Variants in KIF2A observed in about 807,000 individuals in gnomAD.
The protein encoded by KIF2A is kinesin-like protein KIF2A.
In KIF2A, 22 loss-of-function variants were observed where a neutral mutation model predicts 100.2. That is an observed-to-expected ratio of 0.22 (90% CI 0.16 to 0.31). The LOEUF (loss-of-function observed/expected upper bound fraction) is 0.31, where lower values mean the gene tolerates loss of function less well. KIF2A is among the 10% of genes least tolerant of loss of function. The probability of loss-of-function intolerance (pLI) is 1.00; values close to 1 mark genes in which losing one functional copy is unlikely to be tolerated. For missense variants in KIF2A, 495 were observed against 898.7 expected (o/e 0.55, Z 5.74); for synonymous variants, 268 against 285.9 (o/e 0.94, Z 0.63).
chr5:62,350,228 T>C, intron 4 of KIF2A, 108 bp downstream of exon 4: 1 of 661,392 alleles, frequency 1.5e-6, no homozygotes. Flanking sequence ...TTATTTAAAT[T>C]TTACCTGGCT....
At chr5:62,379,659 G>GA (rs34005703) in intron 19 of KIF2A, among the ~76,000 whole-genome samples, 9,523 of 133,846 alleles carry the variant, frequency 0.071, 528 homozygotes, top group African/African-American at 0.16. Flanking sequence ...TGAAACTCAG[G>GA]AAAAAAAAAA....
rs184046802 is a variant in KIF2A, at chr5:62,371,005, G to T, written c.1647-1433G>T. On this transcript the variant is annotated intron_variant, in intron 16 of 20. Transcript: ENST00000407818. ...TTTCAGGCCAGACGCTGTAGCTCAT[G>T]CTTGTAATCCCAGTACTTTGGGAGG... Among the ~76,000 whole-genome samples the T allele has an allele frequency of 7.1e-3, 1,076 of 152,274 alleles. 14 individuals are homozygous for T. The highest frequency in any genetic ancestry group is 0.022 in the African/African-American group (929 of 41,554).
At chr5:62,345,903 AAGATGAAAAC>A (rs1747541928) in intron 1 of KIF2A, among the ~76,000 whole-genome samples, 1 of 152,194 alleles carries the variant, frequency 6.6e-6, no homozygotes, top group Non-Finnish European at 1.5e-5. Context: ...ATGGATCGGT[AAGATGAAAAC>A]AGATGAAATA....
At chr5:62,337,964 T>G (rs968971911) in intron 1 of KIF2A, among the ~76,000 whole-genome samples, 2 of 152,178 alleles carry the variant, frequency 1.3e-5, no homozygotes, top group African/African-American at 4.8e-5. Flanking sequence ...TTATATGATT[T>G]TTGGAACTTC....
chr5:62,346,558 G>A (rs747046868), intron 1 of KIF2A, among the ~76,000 whole-genome samples: 1 of 152,112 alleles, frequency 6.6e-6, no homozygotes, highest in Non-Finnish European at 1.5e-5. Flanking sequence ...TGCGCGATAT[G>A]GTGAAACCCC....
chr5:62,344,277 G>C (rs977287592), intron 1 of KIF2A, among the ~76,000 whole-genome samples: 13 of 151,712 alleles, frequency 8.6e-5, no homozygotes, highest in African/African-American at 2.9e-4. Context: ...CTGGGAGGTG[G>C]AGGTTGCAGT....
Position 62,372,547 on chromosome 5 carries a change from A to C in KIF2A, c.1756A>C (p.Thr586Pro), listed in dbSNP as rs1183822883. The C allele has an allele frequency of 2.0e-6, 3 of 1,533,558 alleles. No homozygotes were observed. The East Asian group carries it at 6.7e-5, about 34-fold the overall frequency. 95.0% of individuals were successfully genotyped at this position (1,533,558 alleles called of 1,614,324 possible). Residue 586 changes from threonine to proline, a missense_variant, in exon 17 of 21, where the codon ACC (threonine) becomes CCC (proline). Coordinates refer to ENST00000407818, the MANE Select transcript of KIF2A (RefSeq NM_001098511.3). ...YEYDDFSPSV[T>P]RVKELTVDPT... ...ATATGACGACTTTTCTCCTTCAGTT[A>C]CCAGGTCTACTTCATTCTATACATA...
rs1438310022 is a variant in KIF2A at position 62,388,325 on chromosome 5, A to T, written c.*2756A>T. 2 of 152,240 alleles carry T rather than the reference A, an allele frequency of 1.3e-5. No homozygotes were observed. Among genetic ancestry groups the T allele is most frequent in the African/African-American group, 2.4e-5 (1 of 41,466 alleles). 9.4% of individuals were successfully genotyped at this position (152,240 alleles called of 1,614,324 possible). The stretch of plus-strand genomic sequence containing the variant: ...AAAAGATAATTTTATTGTTAATTTC[A>T]TTCCAGTTTAGCTTCCTCATTTTAC... On this transcript the variant is annotated 3_prime_UTR_variant, in exon 21 of 21. Coordinates refer to ENST00000407818, the MANE Select transcript of KIF2A (RefSeq NM_001098511.3).
At chr5:62,311,017 GTGAC>G (rs1224835131) in intron 1 of KIF2A, among the ~76,000 whole-genome samples, 1 of 152,190 alleles carries the variant, frequency 6.6e-6, no homozygotes, top group Non-Finnish European at 1.5e-5. Context: ...TCACAGTACT[GTGAC>G]TGTATTGATA....
At chr5:62,342,898 GCCCAC>G (rs1747368429) in intron 1 of KIF2A, among the ~76,000 whole-genome samples, 1 of 151,694 alleles carries the variant, frequency 6.6e-6, no homozygotes, top group South Asian at 2.1e-4. Flanking sequence ...GATTACAGGC[GCCCAC>G]CACCACACCC....
At chr5:62,320,811 C>T (rs968706168) in intron 1 of KIF2A, among the ~76,000 whole-genome samples, 10 of 123,724 alleles carry the variant, frequency 8.1e-5, no homozygotes, top group African/African-American at 2.7e-4. Flanking sequence ...CTTTAAAGTG[C>T]ACAATTCAGT....
intron 13 of KIF2A, 103 bp downstream of exon 13, chr5:62,363,423 AATC>A: frequency 9.0e-7 from 1 of 1,116,774 alleles, no homozygotes; most frequent in Non-Finnish European, 1.3e-6. Flanking sequence ...TGGAAGTAAA[AATC>A]ATTGTTCATA....
intron 3 of KIF2A, among the ~76,000 whole-genome samples, chr5:62,348,637 T>TTA (rs1459364917): frequency 6.6e-6 from 1 of 152,226 alleles, no homozygotes; most frequent in Non-Finnish European, 1.5e-5. Flanking sequence ...AAAACTGTGC[T>TTA]AAATCCTCCC....
chr5:62,365,187 A>C, intron 14 of KIF2A, 56 bp from the exon 15 acceptor site: 1 of 843,940 alleles, frequency 1.2e-6, no homozygotes, highest in Non-Finnish European at 1.9e-6. Context: ...TATGTTAATT[A>C]AGATTATCCT....
intron 5 of KIF2A, 57 bp downstream of exon 5, chr5:62,352,767 T>C (rs1747918132): frequency 8.9e-6 from 13 of 1,455,756 alleles, no homozygotes; most frequent in Non-Finnish European, 1.2e-5. Flanking sequence ...TATTCTCTCT[T>C]GGTCATCCTT....
At chr5:62,339,054 A>C (rs901835322) in intron 1 of KIF2A, among the ~76,000 whole-genome samples, 1 of 152,334 alleles carries the variant, frequency 6.6e-6, no homozygotes, top group East Asian at 1.9e-4. Context: ...TGTTAGGCCC[A>C]TCTTTCATTG....
chr5:62,373,389 T>A (rs1464756064), intron 17 of KIF2A, among the ~76,000 whole-genome samples: 5 of 151,664 alleles, frequency 3.3e-5, no homozygotes, highest in South Asian at 4.1e-4. Context: ...AAAAATTTTT[T>A]AAATCATAAC....
rs1742057511 is a variant in KIF2A at position 62,386,918 on chromosome 5, G to A, written c.*1349G>A. Reference sequence around the variant, plus strand: ...AGTTTTCCCTCAGTTCCCAGGATGGGGTCCAGGAGTAGATTAACAGCTAAA... The same window carrying A: ...AGTTTTCCCTCAGTTCCCAGGATGGAGTCCAGGAGTAGATTAACAGCTAAA... On this transcript the variant is annotated 3_prime_UTR_variant, in exon 21 of 21. Coordinates refer to ENST00000407818, the MANE Select transcript of KIF2A (RefSeq NM_001098511.3). Among the ~76,000 whole-genome samples, 2 of 152,096 alleles carry A rather than the reference G, an allele frequency of 1.3e-5. 1 individual carries two copies. The highest frequency in any genetic ancestry group is 4.1e-4 in the South Asian group (2 of 4,820).
Position 62,311,299 on chromosome 5 carries a change from T to G in KIF2A, c.64+4763T>G, listed in dbSNP as rs74774351. Among the ~76,000 whole-genome samples, 15 of 152,302 alleles carry G rather than the reference T, an allele frequency of 9.8e-5. 1 individual carries two copies. In the East Asian group the frequency reaches 2.9e-3, roughly 29 times the overall value. On this transcript the variant is annotated intron_variant, in intron 1 of 20. Coordinates refer to ENST00000407818, the MANE Select transcript of KIF2A (RefSeq NM_001098511.3). ...ACAGCCCAGTCAAGATGTAGGAAAT[T>G]GCTTCTTACTTCGGAGAAAGGCACC...
Sources: allele counts gnomAD v4.1 joint callset (sites outside exome capture counted in the v4.1 genomes callset), GRCh38; gene constraint gnomAD v4.1.1; transcripts MANE v1.5; gene names NCBI Gene and HGNC (gene_info 2026-07-23, HGNC 2026-07-21).